KIF26B: variants seen among roughly 807,000 people sequenced by gnomAD.
KIF26B encodes kinesin-like protein KIF26B.
Under a neutral mutation model 151.2 loss-of-function variants are expected in KIF26B, and 63 were observed. That is an observed-to-expected ratio of 0.42 (90% CI 0.34 to 0.51). KIF26B has a LOEUF of 0.51. Ranked by LOEUF, KIF26B falls within the 20% of genes least tolerant of loss-of-function variation. The probability of loss-of-function intolerance (pLI) is 0.07; values close to 1 mark genes in which losing one functional copy is unlikely to be tolerated. For missense variants in KIF26B, 2,813 were observed against 2,913.6 expected (o/e 0.97, Z 0.79); for synonymous variants, 1,357 against 1,262.1 (o/e 1.08, Z -1.59).
At chr1:245,179,394 C>T (rs188503651) in intron 2 of KIF26B, among the ~76,000 whole-genome samples, 37 of 152,264 alleles carry the variant, frequency 2.4e-4, no homozygotes, top group African/African-American at 7.2e-4. Flanking sequence ...GAGGCTGAGG[C>T]GCGTGGATCA....
At chr1:245,429,893 G>A (rs1472916757) in intron 4 of KIF26B, among the ~76,000 whole-genome samples, 5 of 152,190 alleles carry the variant, frequency 3.3e-5, no homozygotes, top group Non-Finnish European at 5.9e-5. Flanking sequence ...GGGATTACAA[G>A]CATGAGCCAC....
At chr1:245,450,847 G>T (rs991026048) in intron 4 of KIF26B, among the ~76,000 whole-genome samples, 10 of 152,140 alleles carry the variant, frequency 6.6e-5, no homozygotes, top group Non-Finnish European at 1.0e-4. Flanking sequence ...AAATGTGAAT[G>T]AATTTTTAAG....
rs575696591 is a variant in KIF26B at position 245,397,029 on chromosome 1, G to A, written c.1000-22550G>A. ...GCTGGAGTGCAGTGGCACAATCACA[G>A]CTCACTGTAGCCTCTACCACCCTAG... is the stretch of plus-strand genomic sequence containing the variant. On this transcript the variant is annotated intron_variant, in intron 3 of 14. Transcript: ENST00000407071. Among the ~76,000 whole-genome samples, 3 of 150,082 alleles carry A rather than the reference G, an allele frequency of 2.0e-5. No homozygotes were observed. The South Asian group carries it at 6.3e-4, about 32-fold the overall frequency.
Position 245,686,916 on chromosome 1 carries a change from A to T in KIF26B, c.3933A>T (p.Ala1311=). The change falls in exon 12 of 15, where the codon GCA becomes GCT. Residue 1311 remains alanine, a synonymous_variant. Transcript: ENST00000407071. This position sits in a 1 kb window ranked among gnomAD's most constrained non-coding sequence, Gnocchi z 5.6. ...GTTTTGGGCACGGGGAGGCAATGGC[A>T]GAACCTGTGGCCTCGGAGTTTGTCA... is the stretch of plus-strand genomic sequence containing the variant. ...QTCFGHGEAM[A]EPVASEFVSS... is the part of the protein sequence containing the mutation. 1 of 1,613,370 alleles carries T rather than the reference A, an allele frequency of 6.2e-7. No homozygotes were observed. Among genetic ancestry groups the T allele is most frequent in the Non-Finnish European group, 8.5e-7 (1 of 1,179,742 alleles).
At chr1:245,193,269 C>G (rs1669140148) in intron 2 of KIF26B, among the ~76,000 whole-genome samples, 1 of 152,226 alleles carries the variant, frequency 6.6e-6, no homozygotes, top group African/African-American at 2.4e-5. Flanking sequence ...TTTTCTTTAT[C>G]CAGTCTACTG....
At chr1:245,334,677 G>A (rs773146413) in intron 2 of KIF26B, among the ~76,000 whole-genome samples, 10 of 152,214 alleles carry the variant, frequency 6.6e-5, no homozygotes, top group Admixed American at 1.3e-4. Context: ...CAAAGGAACA[G>A]AAACAGAAAC....
At chr1:245,300,320 C>T (rs1008422309) in intron 2 of KIF26B, among the ~76,000 whole-genome samples, 3 of 152,106 alleles carry the variant, frequency 2.0e-5, no homozygotes, top group South Asian at 2.1e-4. Flanking sequence ...AGTGGCTGCC[C>T]GGCCAGAGTC....
intron 9 of KIF26B, among the ~76,000 whole-genome samples, chr1:245,614,372 A>G (rs541007560): frequency 1.7e-3 from 264 of 152,250 alleles, no homozygotes; most frequent in Non-Finnish European, 3.0e-3. Flanking sequence ...ACGGAGTTTC[A>G]CCATATTGGC....
intron 2 of KIF26B, among the ~76,000 whole-genome samples, chr1:245,219,182 A>G (rs1267918561): frequency 2.6e-5 from 3 of 113,810 alleles, no homozygotes; most frequent in East Asian, 6.0e-4. Context: ...TCTGTTGCCC[A>G]GGCTGGAGTG....
At chr1:245,328,536 A>G (rs913877480) in intron 2 of KIF26B, among the ~76,000 whole-genome samples, 3 of 152,150 alleles carry the variant, frequency 2.0e-5, no homozygotes, top group African/African-American at 7.2e-5. Flanking sequence ...GCCTTAATTC[A>G]TGCTGTGATG....
chr1:245,444,702 G>A (rs1413141976), intron 4 of KIF26B, among the ~76,000 whole-genome samples: 4 of 152,178 alleles, frequency 2.6e-5, no homozygotes, highest in Non-Finnish European at 2.9e-5. Flanking sequence ...GCAGACTAAC[G>A]TCTCTTGAGA....
At chr1:245,625,368 G>A (rs1277895133) in intron 9 of KIF26B, among the ~76,000 whole-genome samples, 7 of 152,298 alleles carry the variant, frequency 4.6e-5, no homozygotes, top group African/African-American at 1.7e-4. Context: ...GCAACTTGGA[G>A]ATGATTGACC....
Position 245,688,274 on chromosome 1 carries a change from C to G in KIF26B, c.5291C>G (p.Pro1764Arg). 2 of 1,596,140 alleles carry G rather than the reference C, an allele frequency of 1.3e-6. No homozygotes were observed. The highest frequency in any genetic ancestry group is 1.7e-6 in the Non-Finnish European group (2 of 1,177,880). Residue 1764 changes from proline (P) to arginine (R), a missense_variant, in exon 12 of 15, where the codon CCG (proline) becomes CGG (arginine). Around this residue, in one of 3 missense-constraint regions of KIF26B, gnomAD observed 2,060 missense variants for 2,088.6 expected, o/e 0.99. Coordinates refer to ENST00000407071, the MANE Select transcript of KIF26B (RefSeq NM_018012.4). ...KTLSFSTKSL[P>R]QAVGQGSSSP... ...CTCAGCTTCTCCACCAAGTCCCTGC[C>G]GCAGGCGGTGGGCCAGGGCTCCAGC...
At chr1:245,471,555 A>G (rs890625789) in intron 4 of KIF26B, among the ~76,000 whole-genome samples, 2 of 152,228 alleles carry the variant, frequency 1.3e-5, no homozygotes, top group African/African-American at 4.8e-5. Flanking sequence ...TTTATCCAAT[A>G]GAAAAGTTTT....
rs201983153 is a variant in KIF26B at position 245,686,395 on chromosome 1, A to C, written c.3412A>C (p.Lys1138Gln). Residue 1138 changes from lysine (K) to glutamine (Q), a missense_variant, in exon 12 of 15, where the codon AAA (lysine) becomes CAA (glutamine). Lys to Gln is a moderately conservative substitution (Grantham distance 53, BLOSUM62 1). This residue lies in a region of KIF26B where 2,060 missense variants were observed against 2,088.6 expected (regional missense o/e 0.99). Transcript: ENST00000407071. The surrounding 1 kb of genome is among the most constrained non-coding windows in gnomAD (Gnocchi z 5.6). ...TGGAATGAGCCCCCAGGTTTTGAAA[A>C]AATCCATGTCTGCTGGGAGCGAAGG... Reference protein sequence around the residue: ...PVGMSPQVLKKSMSAGSEGFP... With the variant: ...PVGMSPQVLKQSMSAGSEGFP... 904 of 1,613,340 alleles carry C rather than the reference A, an allele frequency of 5.6e-4. 1 individual carries two copies. Among genetic ancestry groups the C allele is most frequent in the Non-Finnish European group, 7.3e-4 (859 of 1,179,886 alleles).
At chr1:245,427,858 G>A (rs1284254389) in intron 4 of KIF26B, among the ~76,000 whole-genome samples, 1 of 152,082 alleles carries the variant, frequency 6.6e-6, no homozygotes, top group Non-Finnish European at 1.5e-5. Context: ...ATGGAAGCAG[G>A]GCTACCATTG....
In KIF26B at chr1:245,602,614, G is replaced by A. The variant is rs762051944; in HGVS notation, c.1388G>A (p.Arg463Gln). The A allele has an allele frequency of 1.2e-5, 20 of 1,613,776 alleles. No homozygotes were observed. In the East Asian group the frequency reaches 1.3e-4, roughly 11 times the overall value. ...CTTCGCATCTGTTCCACCTTGGCTC[G>A]AGATACTTCAGAATCCAGCTCTTTC... Reference protein sequence around the residue: ...VMLRICSTLARDTSESSSFLK... With the variant: ...VMLRICSTLAQDTSESSSFLK... The change falls in exon 6 of 15, where the codon CGA (arginine) becomes CAA (glutamine). Residue 463 changes from arginine to glutamine, a missense_variant. By Grantham distance (43) the Arg-to-Gln change is conservative (BLOSUM62 1). Around this residue, in one of 3 missense-constraint regions of KIF26B, gnomAD observed 676 missense variants for 688.1 expected, o/e 0.98. Transcript: ENST00000407071. This position sits in a 1 kb window ranked among gnomAD's most constrained non-coding sequence, Gnocchi z 4.5.
chr1:245,408,061 C>T (rs955293456), intron 3 of KIF26B, among the ~76,000 whole-genome samples: 1 of 152,094 alleles, frequency 6.6e-6, no homozygotes, highest in Admixed American at 6.5e-5. Context: ...ATAGAAGAGC[C>T]GCCCCCAGGT....
At chr1:245,561,256 G>A (rs773634897) in intron 5 of KIF26B, among the ~76,000 whole-genome samples, 3 of 152,182 alleles carry the variant, frequency 2.0e-5, no homozygotes, top group African/African-American at 4.8e-5. Context: ...GTAAGTAGGT[G>A]GGTGGGTGAG....
Sources: gnomAD v4.1 joint callset for allele counts (sites outside exome capture counted in the v4.1 genomes callset) on GRCh38, gnomAD v4.1.1 for gene constraint, gnomAD v4.1.1 regional missense constraint, Gnocchi (gnomAD v3.1) non-coding constraint, MANE v1.5 for transcripts, NCBI Gene and HGNC (gene_info 2026-07-23, HGNC 2026-07-21) for gene names.